The following ZSCAN18 variants were observed in gnomAD, a reference collection of about 807,000 sequenced individuals.
ZSCAN18 encodes the protein zinc finger and SCAN domain containing 18, also known as zinc finger and SCAN domain-containing protein 18.
Under a neutral mutation model 31.1 loss-of-function variants are expected in ZSCAN18, and 16 were observed. The observed-to-expected ratio is 0.51, with a 90% CI of 0.35 to 0.78. The LOEUF is 0.78. ZSCAN18 is among the 30% of genes least tolerant of loss of function. The pLI is 0.01. For missense variants in ZSCAN18, 731 were observed against 697.4 expected (o/e 1.05, Z -0.54); for synonymous variants, 375 against 320.7 (o/e 1.17, Z -1.81).
At chr19:58,089,318 A>G (rs1320675278) in intron 2 of ZSCAN18, among the ~76,000 whole-genome samples, 2 of 123,844 alleles carry the variant, frequency 1.6e-5, no homozygotes, top group African/African-American at 6.4e-5. Context: ...AAAAAAAAAA[A>G]AAAAAAAAAA....
At chr19:58,095,175 C>T (rs773213471) in intron 1 of ZSCAN18, among the ~76,000 whole-genome samples, 1 of 152,198 alleles carries the variant, frequency 6.6e-6, no homozygotes, top group African/African-American at 2.4e-5. Context: ...AATGGAGGCA[C>T]AGAGCTCTAC....
chr19:58,097,641 C>G (rs1306095262), intron 1 of ZSCAN18, among the ~76,000 whole-genome samples: 1 of 151,538 alleles, frequency 6.6e-6, no homozygotes, highest in African/African-American at 2.4e-5. Context: ...AGCGTCCCCC[C>G]ACCACGGACA....
upstream of ZSCAN18, among the ~76,000 whole-genome samples, chr19:58,101,955 G>T (rs146858238): frequency 7.3e-3 from 1,104 of 151,898 alleles, 22 homozygotes; most frequent in African/African-American, 0.024. Flanking sequence ...TCCTATATAG[G>T]CCTTCTAAGC....
rs73058516 is a variant in ZSCAN18, at chr19:58,088,917, C to T, written c.404-80G>A. 2.6e-3 allele frequency: 3,669 copies of T among 1,432,930 alleles called. 13 individuals are homozygous for T. Among genetic ancestry groups the T allele is most frequent in the South Asian group, 3.2e-3 (250 of 77,344 alleles). 88.8% of individuals were successfully genotyped at this position (1,432,930 alleles called of 1,614,324 possible). On this transcript the variant is annotated intron_variant, in intron 2 of 6. Transcript: ENST00000601144. ...CAATCACACAGTTAAACCACAGGGACCTGCAGGCTCCAGGGCCACATCACT... is the reference window on the plus strand; with the variant it reads ...CAATCACACAGTTAAACCACAGGGATCTGCAGGCTCCAGGGCCACATCACT...
rs549052442 is a variant in ZSCAN18, at chr19:58,086,536, C to T, written c.746-270G>A. 464 of 470,914 alleles carry T rather than the reference C, an allele frequency of 9.9e-4. 1 individual carries two copies. The highest frequency in any genetic ancestry group is 1.4e-3 in the Non-Finnish European group (362 of 264,914). The allele number at this position is 470,914 out of a possible 1,614,324, so 29.2% of individuals were successfully genotyped here. On this transcript the variant is annotated intron_variant, in intron 5 of 6. Coordinates refer to ENST00000601144, the MANE Select transcript of ZSCAN18 (RefSeq NM_001145543.2). ...ACAAAAATTGCTCAGGAGTCTGAGT[C>T]GGGGGGCCTCCCTAAAAGGAGGGTT...
upstream of ZSCAN18, among the ~76,000 whole-genome samples, chr19:58,099,420 T>G (rs187916612): frequency 6.6e-6 from 1 of 152,352 alleles, no homozygotes; most frequent in East Asian, 1.9e-4. Context: ...TGAAGTAGTA[T>G]GTATCAACAG....
chr19:58,093,566 G>A (rs942924751), intron 1 of ZSCAN18, among the ~76,000 whole-genome samples: 2 of 152,070 alleles, frequency 1.3e-5, no homozygotes, highest in African/African-American at 2.4e-5. Flanking sequence ...GTGACTGAGC[G>A]CTTTCTCATG....
chr19:58,098,459 G>C, upstream of ZSCAN18: 1 of 774,028 alleles, frequency 1.3e-6, no homozygotes, highest in Non-Finnish European at 1.6e-6. Flanking sequence ...ATAGACCCCT[G>C]ACAGCCAGAG....
intron 1 of ZSCAN18, among the ~76,000 whole-genome samples, chr19:58,115,518 G>A (rs928064688): frequency 6.6e-6 from 1 of 152,170 alleles, no homozygotes; most frequent in Non-Finnish European, 1.5e-5. Context: ...AACAGGTGGA[G>A]TCAACGTGTG....
chr19:58,105,936 G>A (rs566245334), intron 1 of ZSCAN18, among the ~76,000 whole-genome samples: 32 of 151,308 alleles, frequency 2.1e-4, no homozygotes, highest in Admixed American at 2.6e-4. Flanking sequence ...CTGAGATCGC[G>A]CCACTGCACT....
chr19:58,095,052 G>A (rs2074494609), intron 1 of ZSCAN18, among the ~76,000 whole-genome samples: 1 of 152,166 alleles, frequency 6.6e-6, no homozygotes. Flanking sequence ...GCAAGATCCT[G>A]TCTCTAATGA....
chr19:58,118,253 G>A lies in ZSCAN18; in HGVS notation c.130+14C>T, dbSNP rs758648469. On this transcript the variant is annotated intron_variant, in intron 1 of 1. Coordinates refer to the ZSCAN18 transcript ENST00000595721. Reference sequence around the variant, plus strand: ...ACCGCCCAGCCCCAGCCGCTCTGGAGTCCTTGACCCCACCCTCACTAGGCC... The same window carrying A: ...ACCGCCCAGCCCCAGCCGCTCTGGAATCCTTGACCCCACCCTCACTAGGCC... 12 of 1,355,978 alleles carry A rather than the reference G, an allele frequency of 8.8e-6. No individual in the cohort carries two copies. The African/African-American group carries it at 1.8e-4, about 21-fold the overall frequency. 84.0% of individuals were successfully genotyped at this position (1,355,978 alleles called of 1,614,324 possible). A position where few individuals can be genotyped will look rare whatever the true frequency, so the allele number is the denominator to read the frequency against.
chr19:58,096,025 T>C (rs1216264282), intron 1 of ZSCAN18, among the ~76,000 whole-genome samples: 1 of 152,168 alleles, frequency 6.6e-6, no homozygotes, highest in African/African-American at 2.4e-5. Flanking sequence ...CTGTGTCTTC[T>C]TGCCTCCTTC....
intron 1 of ZSCAN18, among the ~76,000 whole-genome samples, chr19:58,115,705 C>T (rs984850533): frequency 3.3e-5 from 5 of 152,246 alleles, no homozygotes; most frequent in African/African-American, 7.2e-5. Flanking sequence ...TGGATCCACA[C>T]TGGCATCCTT....
intron 1 of ZSCAN18, among the ~76,000 whole-genome samples, chr19:58,092,953 T>G (rs1196312029): frequency 1.3e-5 from 2 of 151,892 alleles, no homozygotes; most frequent in Non-Finnish European, 2.9e-5. Flanking sequence ...TTTTAATTTG[T>G]TTTGTAGAGA....
upstream of ZSCAN18, among the ~76,000 whole-genome samples, chr19:58,102,368 G>C (rs541083343): frequency 5.9e-5 from 9 of 152,262 alleles, 1 homozygote; most frequent in South Asian, 1.9e-3. Context: ...GGCTGAGGCA[G>C]GAGAATGGTG....
intron 1 of ZSCAN18, chr19:58,108,735 CT>C: frequency 1.0e-6 from 1 of 985,484 alleles, no homozygotes; most frequent in Non-Finnish European, 1.2e-6. Flanking sequence ...TATCAAACAC[CT>C]CCTCGTGTCC....
chr19:58,098,373 C>A, upstream of ZSCAN18: 1 of 985,532 alleles, frequency 1.0e-6, no homozygotes, highest in Non-Finnish European at 1.2e-6. Context: ...CGAGTGTGGC[C>A]TCCCGGCGTC....
chr19:58,085,568 C>T, intron 6 of ZSCAN18, 189 bp from the exon 7 acceptor site: 1 of 547,548 alleles, frequency 1.8e-6, no homozygotes, highest in Admixed American at 3.7e-5. Flanking sequence ...GCGCCTGCTG[C>T]TGCAGATGTG....
Sources: allele counts gnomAD v4.1 joint callset (sites outside exome capture counted in the v4.1 genomes callset), GRCh38; gene constraint gnomAD v4.1.1; transcripts MANE v1.5; gene names NCBI Gene and HGNC (gene_info 2026-07-23, HGNC 2026-07-21).